Variants in NRXN1 observed in about 807,000 individuals in gnomAD.
The protein encoded by NRXN1 is neurexin-1.
In NRXN1, 39 loss-of-function variants were observed where a neutral mutation model predicts 150.9. The observed-to-expected ratio is 0.26, with a 90% confidence interval of 0.20 to 0.34. The LOEUF (loss-of-function observed/expected upper bound fraction) is 0.34. NRXN1 is among the 10% of genes least tolerant of loss of function. The pLI is 1.00. For missense variants in NRXN1, 1,815 were observed against 1,949.9 expected (o/e 0.93, Z 1.30); for synonymous variants, 924 against 757.0 (o/e 1.22, Z -3.62).
At chr2:50,764,547 A>T (rs1702175263) in intron 5 of NRXN1, among the ~76,000 whole-genome samples, 2 of 151,952 alleles carry the variant, frequency 1.3e-5, no homozygotes, top group Admixed American at 1.3e-4. Context: ...CTTGATTATC[A>T]CACATCTAAA....
At chr2:50,054,783 A>C (rs1189041875) in intron 20 of NRXN1, among the ~76,000 whole-genome samples, 172 bp downstream of exon 20, 1 of 152,146 alleles carries the variant, frequency 6.6e-6, no homozygotes, top group Admixed American at 6.6e-5. Context: ...ATGTATAGAA[A>C]TTATTATACA....
At chr2:50,026,883 T>TTTTTTTTTTTTTTTTTTTTTTTTG (rs1688406878) in intron 21 of NRXN1, among the ~76,000 whole-genome samples, 1 of 61,122 alleles carries the variant, frequency 1.6e-5, no homozygotes, top group Non-Finnish European at 3.8e-5. Flanking sequence ...TTTTTTTTTT[T>TTTTTTTTTTTTTTTTTTTTTTTTG]TTTTTTTTTT....
chr2:50,593,650 AT>A (rs1674652426), intron 8 of NRXN1, among the ~76,000 whole-genome samples: 4 of 152,146 alleles, frequency 2.6e-5, no homozygotes, highest in Admixed American at 2.0e-4. Context: ...GTGTGATGCT[AT>A]TTTATTTGTT....
At chr2:50,338,520 A>G (rs1489106805) in intron 17 of NRXN1, among the ~76,000 whole-genome samples, 1 of 152,150 alleles carries the variant, frequency 6.6e-6, no homozygotes, top group Non-Finnish European at 1.5e-5. Context: ...ATTTCTCTAT[A>G]CTAGATTGTA....
intron 10 of NRXN1, among the ~76,000 whole-genome samples, chr2:50,532,539 A>G (rs2093145247): frequency 6.6e-6 from 1 of 152,190 alleles, no homozygotes; most frequent in Non-Finnish European, 1.5e-5. Context: ...ACTTCCTTTT[A>G]AGATTAATTT....
At chr2:50,550,706 C>CGG (rs779109830) in intron 9 of NRXN1, among the ~76,000 whole-genome samples, 1,529 of 149,798 alleles carry the variant, frequency 0.01, 18 homozygotes, top group Middle Eastern at 0.039. Context: ...ATTTTTGAGA[C>CGG]AGTCTCACTC....
intron 17 of NRXN1, among the ~76,000 whole-genome samples, chr2:50,430,932 A>G (rs1186437443): frequency 6.6e-6 from 1 of 152,166 alleles, no homozygotes; most frequent in Non-Finnish European, 1.5e-5. Flanking sequence ...CAGAAAATAC[A>G]CTAATGCCTC....
rs553876138 is a variant in NRXN1 at position 50,774,562 on chromosome 2, G to A, written c.832+147307C>T. 3.3e-5 allele frequency among the ~76,000 whole-genome samples: 5 copies of A among 152,230 alleles called. No homozygotes were observed. In the South Asian group the frequency reaches 8.3e-4, roughly 25 times the overall value. ...AATGTTCATGCAAATTCTACTAAAT[G>A]TATGGTATACTTTATACAAATATTA... On this transcript the variant is annotated intron_variant, in intron 5 of 22. Transcript: ENST00000401669.
intron 19 of NRXN1, among the ~76,000 whole-genome samples, chr2:50,067,573 C>A (rs1695554781): frequency 6.6e-6 from 1 of 152,164 alleles, no homozygotes; most frequent in Non-Finnish European, 1.5e-5. Flanking sequence ...AAATACAGAA[C>A]TTACTCTGAT....
intron 5 of NRXN1, chr2:50,829,642 G>A (rs931967940): frequency 1.2e-6 from 2 of 1,611,910 alleles, no homozygotes; most frequent in Admixed American, 1.7e-5. Flanking sequence ...CCAGTAGCCA[G>A]GTTGGTACGG....
chr2:50,845,243 T>G (rs190334189), intron 5 of NRXN1, among the ~76,000 whole-genome samples: 95 of 152,252 alleles, frequency 6.2e-4, no homozygotes, highest in Non-Finnish European at 2.4e-4. Context: ...ATCAACATAA[T>G]ACCAAGAAGA....
intron 21 of NRXN1, chr2:49,973,953 G>T: frequency 1.4e-6 from 1 of 717,030 alleles, no homozygotes; most frequent in South Asian, 1.5e-5. Context: ...CAGCGGCTGT[G>T]ACAGAAGAAG....
intron 8 of NRXN1, among the ~76,000 whole-genome samples, chr2:50,609,434 A>C (rs1677663904): frequency 1.3e-5 from 2 of 152,146 alleles, no homozygotes; most frequent in Non-Finnish European, 2.9e-5. Flanking sequence ...AATTGTAGCT[A>C]ATCCTCACTA....
chr2:50,138,880 A>G (rs1271339972), intron 18 of NRXN1, among the ~76,000 whole-genome samples: 1 of 152,244 alleles, frequency 6.6e-6, no homozygotes, highest in East Asian at 1.9e-4. Flanking sequence ...AATAACACAG[A>G]ATGTGTGCCA....
At chr2:50,312,664 C>G (rs56403873) in intron 17 of NRXN1, 12,173 of 486,002 alleles carry the variant, frequency 0.025, 256 homozygotes, top group Middle Eastern at 0.092. Context: ...GGATCTCAGA[C>G]AGTCCATCTG....
At chr2:50,444,213 A>C (rs1185412903) in intron 17 of NRXN1, among the ~76,000 whole-genome samples, 3 of 152,204 alleles carry the variant, frequency 2.0e-5, no homozygotes, top group African/African-American at 7.2e-5. Flanking sequence ...AAGACATTTA[A>C]TTTTAGCCTT....
At chr2:50,535,593 C>T (rs990860756) in intron 10 of NRXN1, among the ~76,000 whole-genome samples, 4 of 152,174 alleles carry the variant, frequency 2.6e-5, no homozygotes, top group African/African-American at 9.7e-5. Context: ...ATGATCAAGT[C>T]TCCACAAATT....
At chr2:50,501,407 G>GTGTC (rs1456090588) in intron 13 of NRXN1, among the ~76,000 whole-genome samples, 3 of 151,386 alleles carry the variant, frequency 2.0e-5, no homozygotes, top group Non-Finnish European at 2.9e-5. Context: ...GTGAGTGTGT[G>GTGTC]TGTGTGTGTG....
chr2:50,266,061 C>T (rs925187052), intron 17 of NRXN1, among the ~76,000 whole-genome samples: 4 of 147,214 alleles, frequency 2.7e-5, no homozygotes, highest in South Asian at 2.1e-4. Flanking sequence ...TGCAGTGGCA[C>T]GATCTTGGCT....
Sources: allele counts gnomAD v4.1 joint callset (sites outside exome capture counted in the v4.1 genomes callset), GRCh38; gene constraint gnomAD v4.1.1; transcripts MANE v1.5; gene names NCBI Gene and HGNC (gene_info 2026-07-23, HGNC 2026-07-21).